Variants in RABGAP1L observed in about 807,000 individuals in gnomAD.
RABGAP1L encodes RAB GTPase activating protein 1 like.
RABGAP1L carries 63 observed loss-of-function variants against 137.7 expected under a neutral mutation model. That is an observed-to-expected ratio of 0.46 (90% CI 0.37 to 0.56). The LOEUF is 0.56. Ranked by LOEUF, RABGAP1L falls within the 20% of genes least tolerant of loss-of-function variation. RABGAP1L has a pLI of 0.00. For synonymous variants in RABGAP1L, 431 were observed against 433.7 expected, an observed-to-expected ratio of 0.99 and a Z score of 0.08; for missense variants, 1,095 against 1,244.0, an observed-to-expected ratio of 0.88 and a Z score of 1.80.
intron 19 of RABGAP1L, among the ~76,000 whole-genome samples, chr1:174,948,460 A>G (rs1322291605): frequency 7.0e-6 from 1 of 142,734 alleles, no homozygotes; most frequent in Non-Finnish European, 1.5e-5. Flanking sequence ...TCGAGGCTAC[A>G]GTGAGCGGCA....
intron 19 of RABGAP1L, among the ~76,000 whole-genome samples, chr1:174,888,950 C>T (rs924430937): frequency 6.6e-6 from 1 of 152,118 alleles, no homozygotes; most frequent in Admixed American, 6.5e-5. Flanking sequence ...CAATTAAATA[C>T]ATTCATGTGT....
At chr1:174,475,971 TG>T (rs1658465748) in intron 13 of RABGAP1L, among the ~76,000 whole-genome samples, 2 of 152,070 alleles carry the variant, frequency 1.3e-5, no homozygotes, top group Admixed American at 6.6e-5. Context: ...TTAGAAAGAT[TG>T]TAAATCTTTC....
intron 13 of RABGAP1L, among the ~76,000 whole-genome samples, chr1:174,409,898 G>A (rs936912744): frequency 3.9e-5 from 6 of 152,132 alleles, no homozygotes; most frequent in African/African-American, 9.7e-5. Context: ...AAGACAATAC[G>A]TGCACAGCTG....
chr1:174,835,826 A>G (rs1360036209), intron 19 of RABGAP1L, among the ~76,000 whole-genome samples: 1 of 152,046 alleles, frequency 6.6e-6, no homozygotes, highest in Non-Finnish European at 1.5e-5. Flanking sequence ...AGTGATGTAT[A>G]TTTCTTCCTT....
intron 19 of RABGAP1L, among the ~76,000 whole-genome samples, chr1:174,952,458 CTG>C (rs1667871444): frequency 6.7e-6 from 1 of 149,174 alleles, no homozygotes; most frequent in Non-Finnish European, 1.5e-5. Context: ...CTGCAGTGTG[CTG>C]TGATTGCGCC....
chr1:174,550,999 C>CATAT (rs549477266), intron 13 of RABGAP1L, among the ~76,000 whole-genome samples: 1,414 of 86,330 alleles, frequency 0.016, 87 homozygotes, highest in African/African-American at 0.07. Context: ...TATATATACA[C>CATAT]ATATATATAT....
chr1:174,551,363 G>A (rs1364973017), intron 13 of RABGAP1L, among the ~76,000 whole-genome samples: 5 of 152,012 alleles, frequency 3.3e-5, no homozygotes, highest in Non-Finnish European at 1.5e-5. Flanking sequence ...TCTGACCACA[G>A]TAGATTCAAA....
intron 14 of RABGAP1L, among the ~76,000 whole-genome samples, chr1:174,645,080 CAAAA>C (rs914753652): frequency 6.6e-6 from 1 of 151,100 alleles, no homozygotes; most frequent in Non-Finnish European, 1.5e-5. Flanking sequence ...GTTACACAAA[CAAAA>C]AAAAGTACGT....
intron 1 of RABGAP1L, among the ~76,000 whole-genome samples, chr1:174,168,867 AT>A (rs879657009): frequency 3.9e-5 from 6 of 152,222 alleles, no homozygotes; most frequent in Admixed American, 2.0e-4. Context: ...AGTTAAAAAA[AT>A]ATTTATGGGG....
At chr1:174,196,475 C>T (rs559042566) in intron 1 of RABGAP1L, among the ~76,000 whole-genome samples, 3 of 152,012 alleles carry the variant, frequency 2.0e-5, no homozygotes, top group Admixed American at 6.5e-5. Flanking sequence ...CCACCCGCCT[C>T]GGCCTCCCGA....
At chr1:174,527,644 T>A (rs1664013310) in intron 13 of RABGAP1L, among the ~76,000 whole-genome samples, 1 of 152,194 alleles carries the variant, frequency 6.6e-6, no homozygotes, top group Non-Finnish European at 1.5e-5. Context: ...AAATGTCTGT[T>A]AGGTCCATTA....
chr1:174,268,366 A>AT (rs910352383), intron 7 of RABGAP1L, among the ~76,000 whole-genome samples: 3 of 151,204 alleles, frequency 2.0e-5, no homozygotes, highest in Admixed American at 6.6e-5. Flanking sequence ...CGCCCGGCTA[A>AT]TTTTTTTTGT....
At chr1:174,347,488 TGTGTGTGTG>T (rs1682546245) in intron 11 of RABGAP1L, among the ~76,000 whole-genome samples, 1 of 151,550 alleles carries the variant, frequency 6.6e-6, no homozygotes. Context: ...TGTGTGTGTG[TGTGTGTGTG>T]TGTTTTTTTC....
At chr1:174,683,787 T>C (rs1171914252) in intron 15 of RABGAP1L, among the ~76,000 whole-genome samples, 191 bp downstream of exon 15, 3 of 152,206 alleles carry the variant, frequency 2.0e-5, no homozygotes. Context: ...TCAATGGAAT[T>C]AGTTTTGTTG....
chr1:174,259,098 T>G (rs1208707445), intron 7 of RABGAP1L, among the ~76,000 whole-genome samples: 2 of 84,258 alleles, frequency 2.4e-5, no homozygotes, highest in East Asian at 2.3e-4. Flanking sequence ...CAATATTCTG[T>G]TTTTTTTTTT....
intron 13 of RABGAP1L, among the ~76,000 whole-genome samples, chr1:174,431,099 ACTT>A (rs897081714): frequency 2.2e-4 from 34 of 152,158 alleles, no homozygotes; most frequent in Non-Finnish European, 1.0e-4. Flanking sequence ...GTGAACCAAC[ACTT>A]CTTACCTATA....
chr1:174,965,729 T>G (rs1669561198), intron 20 of RABGAP1L, among the ~76,000 whole-genome samples: 1 of 152,236 alleles, frequency 6.6e-6, no homozygotes, highest in South Asian at 2.1e-4. Flanking sequence ...TTCCCACTTG[T>G]CTGTGAGTGC....
chr1:174,565,188 A>G (rs922705226), intron 13 of RABGAP1L, among the ~76,000 whole-genome samples: 2 of 152,140 alleles, frequency 1.3e-5, no homozygotes, highest in Non-Finnish European at 2.9e-5. Context: ...TAAAGTCATT[A>G]GGTGTTTTAT....
chr1:174,833,451 T>TAG (rs1558127395), intron 19 of RABGAP1L, among the ~76,000 whole-genome samples: 683 of 38,044 alleles, frequency 0.018, 29 homozygotes, highest in African/African-American at 0.026. Flanking sequence ...TGTGTAGAGA[T>TAG]ATATATATAT....
Sources: gnomAD v4.1 joint callset for allele counts (sites outside exome capture counted in the v4.1 genomes callset) on GRCh38, gnomAD v4.1.1 for gene constraint, MANE v1.5 for transcripts, NCBI Gene and HGNC (gene_info 2026-07-23, HGNC 2026-07-21) for gene names.